Variants in OTC observed in about 807,000 individuals in gnomAD.
OTC encodes the protein ornithine transcarbamylase.
OTC carries 3 observed loss-of-function variants against 30.3 expected under a neutral mutation model. The ratio of observed to expected loss-of-function variants is 0.10; its 90% confidence interval spans 0.05 to 0.26. The LOEUF (loss-of-function observed/expected upper bound fraction) is 0.26, where lower values mean the gene tolerates loss of function less well. Ranked by LOEUF, OTC falls within the 10% of genes least tolerant of loss-of-function variation. OTC has a pLI of 1.00. For missense variants in OTC, 194 were observed against 260.3 expected (o/e 0.75, Z 1.75); for synonymous variants, 111 against 99.7 (o/e 1.11, Z -0.67).
the OTC span, among the ~76,000 whole-genome samples, chrX:38,347,216 G>A: frequency 8.9e-6 from 1 of 112,100 alleles, no homozygotes; most frequent in African/African-American, 3.2e-5. Flanking sequence ...CCAATCCAGA[G>A]GGATTGTTCT....
chrX:38,398,625 T>C lies in OTC; in HGVS notation c.387-2650T>C, dbSNP rs780483828. Among the ~76,000 whole-genome samples, 4 of 111,125 alleles carry C rather than the reference T, an allele frequency of 3.6e-5. No homozygotes were observed. In the South Asian group the frequency reaches 1.5e-3, roughly 43 times the overall value. Reference sequence around the variant, plus strand: ...CACCCTCTCCTTCTCTCTCTCTCTTTCTTGGGGTTTTAGACATCATAAAAT... The same window carrying C: ...CACCCTCTCCTTCTCTCTCTCTCTTCCTTGGGGTTTTAGACATCATAAAAT... On this transcript the variant is annotated intron_variant, in intron 4 of 9. Coordinates refer to ENST00000039007, the MANE Select transcript of OTC (RefSeq NM_000531.6).
intron 8 of OTC, 64 bp from the exon 9 acceptor site, chrX:38,411,798 G>A: frequency 9.1e-7 from 1 of 1,101,795 alleles, no homozygotes; most frequent in Non-Finnish European, 1.3e-6. Flanking sequence ...TTTAGATACT[G>A]AAGAAAACAA....
chrX:38,361,105 A>G (rs1236984792), intron 1 of OTC, among the ~76,000 whole-genome samples: 1 of 111,617 alleles, frequency 9.0e-6, no homozygotes, highest in East Asian at 2.8e-4. Context: ...GGAGTTCAAG[A>G]CCAGCCTGGT....
chrX:38,368,306 G>A (rs916740002), intron 2 of OTC, among the ~76,000 whole-genome samples: 1 of 111,706 alleles, frequency 9.0e-6, no homozygotes, highest in African/African-American at 3.3e-5. Flanking sequence ...GTTGCAGTGA[G>A]CCAAGATCGT....
intron 4 of OTC, among the ~76,000 whole-genome samples, chrX:38,393,068 G>A (rs1258996128): frequency 8.9e-6 from 1 of 112,044 alleles, no homozygotes; most frequent in Admixed American, 9.5e-5. Context: ...GAAGCAGCTG[G>A]CTGTATTTTA....
chrX:38,351,426 C>T (rs753292495), upstream of OTC, among the ~76,000 whole-genome samples: 40 of 111,544 alleles, frequency 3.6e-4, no homozygotes, highest in South Asian at 3.8e-4. Flanking sequence ...CCCGCTTCTT[C>T]GAAGCCAGAC....
At chrX:38,344,906 AAAG>A in the OTC span, among the ~76,000 whole-genome samples, 2 of 110,423 alleles carry the variant, frequency 1.8e-5, no homozygotes, top group Non-Finnish European at 3.8e-5. Context: ...AAAAAAAAAA[AAAG>A]AAGAAGAATA....
chrX:38,342,015 T>G, the OTC span, among the ~76,000 whole-genome samples: 1 of 90,422 alleles, frequency 1.1e-5, no homozygotes, highest in Non-Finnish European at 2.1e-5. Context: ...ATTTCACTTT[T>G]TTTTTTTTTT....
rs764551624 is a variant in OTC, at chrX:38,381,324, C to CTT, written c.299-9_299-8dup. ...GTTGTTTTTTCAAAATGATTTTTTT[C>CTT]TTTTTTTTTTATTGTAGGCTTTGCA... On this transcript the variant is annotated splice_polypyrimidine_tract_variant and intron_variant, in intron 3 of 9. Coordinates refer to ENST00000039007, the MANE Select transcript of OTC (RefSeq NM_000531.6). The CTT allele has an allele frequency of 1.2e-5, 11 of 938,925 alleles. No homozygotes were observed. The highest frequency in any genetic ancestry group is 8.2e-5 in the African/African-American group (4 of 48,666). 77.4% of individuals were successfully genotyped at this position (938,925 alleles called of 1,213,427 possible).
At chrX:38,393,243 T>C (rs1452910038) in intron 4 of OTC, among the ~76,000 whole-genome samples, 3 of 112,480 alleles carry the variant, frequency 2.7e-5, no homozygotes, top group Non-Finnish European at 5.6e-5. Context: ...TTTTAAACAT[T>C]TAACTTAATC....
chrX:38,343,704 C>T, the OTC span, among the ~76,000 whole-genome samples: 1 of 112,194 alleles, frequency 8.9e-6, no homozygotes, highest in Admixed American at 9.4e-5. Context: ...TCAATAACTT[C>T]CAGGGCAAAT....
chrX:38,378,189 A>G (rs2068358438), intron 3 of OTC, among the ~76,000 whole-genome samples: 1 of 96,115 alleles, frequency 1.0e-5, no homozygotes, highest in Non-Finnish European at 2.1e-5. Context: ...AACTTTGCAC[A>G]TGCTCTTCCC....
At position 38,413,973 on chromosome X, in the gene OTC, C is replaced by T. The variant is rs770548421; in HGVS notation, c.1005+1974C>T. Among the ~76,000 whole-genome samples, 8 of 110,559 alleles carry T rather than the reference C, an allele frequency of 7.2e-5. No homozygotes were observed. The East Asian group carries it at 2.3e-3, about 32-fold the overall frequency. On this transcript the variant is annotated intron_variant, in intron 9 of 9. Transcript: ENST00000039007. Reference sequence around the variant, plus strand: ...ACAGGCGTGAGCCACCGTGCCAGGCCGGCACTTCTAATAAGGACCCAGTTA... The same window carrying T: ...ACAGGCGTGAGCCACCGTGCCAGGCTGGCACTTCTAATAAGGACCCAGTTA...
chrX:38,385,008 T>C (rs2068395508), intron 4 of OTC, among the ~76,000 whole-genome samples: 1 of 111,607 alleles, frequency 9.0e-6, no homozygotes, highest in Admixed American at 9.5e-5. Flanking sequence ...CTCACGTCTG[T>C]AATCCTAGCA....
At chrX:38,389,452 C>T (rs1387709656) in intron 4 of OTC, among the ~76,000 whole-genome samples, 9 of 109,687 alleles carry the variant, frequency 8.2e-5, no homozygotes, top group African/African-American at 2.0e-4. Flanking sequence ...CCAATTATGT[C>T]CAGACTAAAA....
At chrX:38,382,707 A>C (rs1380343159) in intron 4 of OTC, among the ~76,000 whole-genome samples, 1 of 112,438 alleles carries the variant, frequency 8.9e-6, no homozygotes, top group Non-Finnish European at 1.9e-5. Flanking sequence ...TTCAAAAGCA[A>C]ATATTACAAG....
At chrX:38,336,529 A>T in the OTC span, among the ~76,000 whole-genome samples, 1 of 109,312 alleles carries the variant, frequency 9.1e-6, no homozygotes. Flanking sequence ...AAAATAAAAA[A>T]AATAAAAATA....
At chrX:38,355,619 C>T (rs952704653) in intron 1 of OTC, among the ~76,000 whole-genome samples, 21 of 112,521 alleles carry the variant, frequency 1.9e-4, no homozygotes, top group African/African-American at 6.1e-4. Context: ...CACACATGCC[C>T]ATCCATACAC....
intron 4 of OTC, among the ~76,000 whole-genome samples, chrX:38,395,198 C>T (rs968625616): frequency 1.8e-5 from 2 of 111,223 alleles, no homozygotes; most frequent in Non-Finnish European, 3.8e-5. Flanking sequence ...GTCTCGAACT[C>T]CTGACCTTGT....
Sources: allele counts gnomAD v4.1 joint callset (sites outside exome capture counted in the v4.1 genomes callset), GRCh38; gene constraint gnomAD v4.1.1; transcripts MANE v1.5; gene names NCBI Gene and HGNC (gene_info 2026-07-23, HGNC 2026-07-21).